RGS6: variants seen among roughly 807,000 people sequenced by gnomAD.
The protein encoded by RGS6 is regulator of G-protein signaling 6.
In RGS6, 30 loss-of-function variants were observed where a neutral mutation model predicts 78.5. The ratio of observed to expected loss-of-function variants is 0.38; its 90% CI spans 0.29 to 0.52. The LOEUF is 0.52. Among genes scored for constraint, RGS6 ranks in the 20% least tolerant of loss-of-function variants. The pLI, the probability that RGS6 is intolerant of heterozygous loss-of-function variation, is 0.85. For synonymous variants in RGS6, 206 were observed against 206.0 expected (o/e 1.00, Z 0.00); for missense variants, 495 against 609.7 (o/e 0.81, Z 1.98).
the RGS6 span, among the ~76,000 whole-genome samples, chr14:71,890,793 A>G: frequency 3.9e-5 from 6 of 152,364 alleles, no homozygotes; most frequent in East Asian, 7.7e-4. Context: ...AACTATTATT[A>G]GTGAAAAGGA....
At chr14:72,431,726 C>T (rs1311157999) in intron 3 of RGS6, among the ~76,000 whole-genome samples, 1 of 152,024 alleles carries the variant, frequency 6.6e-6, no homozygotes, top group Non-Finnish European at 1.5e-5. Context: ...CTCCTACTTT[C>T]CAAGGTCCCT....
At chr14:72,619,833 T>G in the RGS6 span, 2 of 1,385,588 alleles carry the variant, frequency 1.4e-6, no homozygotes, top group Non-Finnish European at 1.9e-6. Flanking sequence ...TGTACCATAG[T>G]GAGAGCTCAG....
chr14:71,897,217 A>G, the RGS6 span, among the ~76,000 whole-genome samples: 4 of 152,250 alleles, frequency 2.6e-5, no homozygotes, highest in Admixed American at 1.3e-4. Flanking sequence ...GCTATCTGCC[A>G]GCAAGGCAGC....
At chr14:72,149,539 AGT>A (rs1438988345) in intron 2 of RGS6, among the ~76,000 whole-genome samples, 1 of 152,152 alleles carries the variant, frequency 6.6e-6, no homozygotes, top group Non-Finnish European at 1.5e-5. Flanking sequence ...GGTTATGAAC[AGT>A]GTGAAATATA....
At chr14:71,953,546 G>T (rs556081977) in intron 1 of RGS6, among the ~76,000 whole-genome samples, 1 of 151,770 alleles carries the variant, frequency 6.6e-6, no homozygotes, top group Admixed American at 6.6e-5. Context: ...ATAAAAAGAG[G>T]TAACAGGCTT....
intron 2 of RGS6, among the ~76,000 whole-genome samples, chr14:72,208,731 G>A (rs1023159448): frequency 6.6e-6 from 1 of 152,148 alleles, no homozygotes; most frequent in Non-Finnish European, 1.5e-5. Context: ...CTAAAAGTCT[G>A]CTAATCGTAT....
chr14:72,384,443 A>T (rs1452963972), intron 3 of RGS6, among the ~76,000 whole-genome samples: 1 of 152,252 alleles, frequency 6.6e-6, no homozygotes, highest in African/African-American at 2.4e-5. Flanking sequence ...TAAAAGTGAA[A>T]GAAAAAGAAA....
intron 2 of RGS6, among the ~76,000 whole-genome samples, chr14:72,284,494 C>T (rs577195502): frequency 6.6e-6 from 1 of 152,320 alleles, no homozygotes; most frequent in South Asian, 2.1e-4. Context: ...TGGCAGCTTC[C>T]ACGTGGGCAC....
At chr14:72,551,883 T>A (rs2097511886) in intron 17 of RGS6, among the ~76,000 whole-genome samples, 1 of 152,268 alleles carries the variant, frequency 6.6e-6, no homozygotes, top group Admixed American at 6.5e-5. Flanking sequence ...ACAGCTTCTC[T>A]AAGCCTCAGT....
chr14:72,446,580 G>A (rs893489157), intron 3 of RGS6, among the ~76,000 whole-genome samples: 7 of 152,182 alleles, frequency 4.6e-5, no homozygotes, highest in African/African-American at 1.7e-4. Flanking sequence ...ACGGACCAGG[G>A]TTGTGGGGGA....
At chr14:72,042,095 T>G (rs957887706) in intron 2 of RGS6, among the ~76,000 whole-genome samples, 3 of 151,798 alleles carry the variant, frequency 2.0e-5, no homozygotes, top group Admixed American at 6.6e-5. Context: ...CTAGAGAAAT[T>G]TCCTCTAATA....
intron 3 of RGS6, among the ~76,000 whole-genome samples, chr14:72,443,000 G>A (rs1263649487): frequency 6.6e-6 from 1 of 152,218 alleles, no homozygotes; most frequent in African/African-American, 2.4e-5. Flanking sequence ...GAAGACCCAA[G>A]GTAGGGCAAT....
chr14:72,233,985 T>C (rs1600089894), intron 2 of RGS6, among the ~76,000 whole-genome samples: 1 of 152,116 alleles, frequency 6.6e-6, no homozygotes, highest in African/African-American at 2.4e-5. Context: ...GTAGCGGCTG[T>C]GCTTAGCACT....
intron 1 of RGS6, among the ~76,000 whole-genome samples, chr14:71,939,745 A>G (rs1206597122): frequency 6.6e-6 from 1 of 152,246 alleles, no homozygotes; most frequent in East Asian, 1.9e-4. Flanking sequence ...TCCAAGATGC[A>G]TCTGTCTTCT....
intron 2 of RGS6, among the ~76,000 whole-genome samples, chr14:72,111,588 C>T (rs1257804653): frequency 6.6e-6 from 1 of 152,136 alleles, no homozygotes; most frequent in East Asian, 1.9e-4. Context: ...GTTAAAAGGC[C>T]TAGTAAACTT....
chr14:72,613,562 G>A, the RGS6 span, among the ~76,000 whole-genome samples: 1 of 152,248 alleles, frequency 6.6e-6, no homozygotes. Flanking sequence ...AGAAAGGGAA[G>A]GAGTGGGGAC....
intron 7 of RGS6, among the ~76,000 whole-genome samples, chr14:72,466,411 G>T (rs771225964): frequency 1.3e-5 from 2 of 152,216 alleles, no homozygotes; most frequent in African/African-American, 2.4e-5. Context: ...CAGAACTCAT[G>T]TTCACACAAA....
intron 2 of RGS6, among the ~76,000 whole-genome samples, chr14:72,069,471 C>G (rs931714673): frequency 1.3e-5 from 2 of 152,182 alleles, no homozygotes; most frequent in Admixed American, 6.5e-5. Flanking sequence ...GTTTTCCTCT[C>G]TTGTGCTGTA....
intron 2 of RGS6, chr14:71,991,071 C>A (rs1408905060): frequency 2.9e-6 from 1 of 349,490 alleles, no homozygotes; most frequent in African/African-American, 2.1e-5. Context: ...ATTGTAAATG[C>A]TTGGCACCAA....
Sources: gnomAD v4.1 joint callset for allele counts (sites outside exome capture counted in the v4.1 genomes callset) on GRCh38, gnomAD v4.1.1 for gene constraint, MANE v1.5 for transcripts, NCBI Gene and HGNC (gene_info 2026-07-23, HGNC 2026-07-21) for gene names.